The following FOXR1 variants were observed in gnomAD, a reference collection of about 807,000 sequenced individuals.
FOXR1 encodes forkhead box R1.
FOXR1 carries 25 observed loss-of-function variants against 34.5 expected under a neutral mutation model. That is an observed-to-expected ratio of 0.72 (90% confidence interval 0.53 to 1.01). The LOEUF (loss-of-function observed/expected upper bound fraction) is 1.01, where lower values mean the gene tolerates loss of function less well. Ranked by LOEUF, FOXR1 falls within the 50% of genes least tolerant of loss-of-function variation. FOXR1 has a pLI of 0.00. For missense variants in FOXR1, 373 were observed against 376.2 expected (o/e 0.99, Z 0.07); for synonymous variants, 153 against 141.6 (o/e 1.08, Z -0.57).
Position 118,979,142 on chromosome 11 carries a change from C to T in FOXR1, c.322C>T (p.Gln108Ter). The change falls in exon 3 of 6, where the codon CAG (glutamine) becomes TAG (stop). Residue 108 changes from glutamine (Q) to a stop codon, truncating the protein, a stop_gained. Transcript: ENST00000317011. LOFTEE classifies it high-confidence loss of function. ...GGCCGCAGGGGTGGAATCACTGTCC[C>T]AGTCCTCCAGCAAGCGGTCTCCCCC... Reference protein sequence around the residue: ...SEAAGVESLSQSSSKRSPPRK... With the variant: ...SEAAGVESLS 3.1e-6 allele frequency: 5 copies of T among 1,587,336 alleles called. No homozygotes were observed. Among genetic ancestry groups the T allele is most frequent in the Admixed American group, 1.9e-5 (1 of 53,964 alleles).
intron 1 of FOXR1, among the ~76,000 whole-genome samples, chr11:118,978,548 C>T (rs528404531): frequency 1.1e-4 from 16 of 152,036 alleles, no homozygotes; most frequent in African/African-American, 3.6e-4. Context: ...ACTGAAGCCA[C>T]GGACATGCAT....
intron 5 of FOXR1, 91 bp from the exon 6 acceptor site, chr11:118,981,115 AAG>A: frequency 7.9e-7 from 1 of 1,268,160 alleles, no homozygotes; most frequent in Non-Finnish European, 1.2e-6. Flanking sequence ...CCTTGAGTGA[AAG>A]AAGCAGATGA....
rs1941708416 is a variant in FOXR1 at position 118,971,938 on chromosome 11, A to G, written c.7A>G (p.Asn3Asp). The change falls in exon 1 of 6, where the codon AAC becomes GAC. Residue 3 changes from asparagine to aspartate, a missense_variant. By Grantham distance (23) the Asn-to-Asp change is conservative (BLOSUM62 1). Coordinates refer to ENST00000317011, the MANE Select transcript of FOXR1 (RefSeq NM_181721.3). The stretch of plus-strand genomic sequence containing the variant: ...GGGACTGCTGGACTGGGACATGGGG[A>G]ACGAGCTCTTTCTGGCCTTCACCAC... Reference protein sequence around the residue: MGNELFLAFTTSH... With the variant: MGDELFLAFTTSH... 3 of 1,556,028 alleles carry G rather than the reference A, an allele frequency of 1.9e-6. No homozygotes were observed. The African/African-American group carries it at 4.1e-5, about 21-fold the overall frequency.
Position 118,978,831 on chromosome 11 carries a change from G to GA in FOXR1, c.117dup (p.Pro40ThrfsTer4), listed in dbSNP as rs1364656003. Reference sequence around the variant, plus strand: ...TTAAGCCACCAAAATTACCCCTAGAGAAAAAACCCAACCCTGATAAGGATG... The same window carrying GA: ...TTAAGCCACCAAAATTACCCCTAGAGAAAAAAACCCAACCCTGATAAGGATG... On this transcript the variant is annotated frameshift_variant, in exon 2 of 6. Transcript: ENST00000317011. LOFTEE classifies it high-confidence loss of function. 1.2e-6 allele frequency: 2 copies of GA among 1,614,054 alleles called. No homozygotes were observed. Among genetic ancestry groups the GA allele is most frequent in the Non-Finnish European group, 1.7e-6 (2 of 1,180,038 alleles).
In FOXR1 at chr11:118,971,836, G is replaced by A; in HGVS notation, c.-96G>A. 7.2e-7 allele frequency: 1 copy of A among 1,382,960 alleles called. No homozygotes were observed. Among genetic ancestry groups the A allele is most frequent in the Non-Finnish European group, 1.0e-6 (1 of 999,664 alleles). The allele number at this position is 1,382,960 out of a possible 1,614,324, so 85.7% of individuals were successfully genotyped here. On this transcript the variant is annotated 5_prime_UTR_variant, in exon 1 of 6. Transcript: ENST00000317011. ...CTCCGCGTCCCCACTCCGCGCCGCC[G>A]CGCCTCTGCCAGCCCCGAAGGTGGA...
chr11:118,978,577 T>G (rs781915131), intron 1 of FOXR1, among the ~76,000 whole-genome samples: 3 of 152,044 alleles, frequency 2.0e-5, no homozygotes, highest in Non-Finnish European at 2.9e-5. Flanking sequence ...TCAGGGATAG[T>G]ATACGTAGAG....
At chr11:118,974,735 CAA>C (rs1444084688) in intron 1 of FOXR1, among the ~76,000 whole-genome samples, 1 of 152,072 alleles carries the variant, frequency 6.6e-6, no homozygotes, top group Non-Finnish European at 1.5e-5. Context: ...GTAATCCAGA[CAA>C]GAGATGATGG....
chr11:118,980,122 A>G, intron 4 of FOXR1: 1 of 498,188 alleles, frequency 2.0e-6, no homozygotes, highest in Admixed American at 2.3e-5. Context: ...CAGGAGGGTG[A>G]GGAAGGGAGT....
At chr11:118,979,348 A>G in intron 3 of FOXR1, 94 bp from the exon 4 acceptor site, 1 of 1,491,004 alleles carries the variant, frequency 6.7e-7, no homozygotes, top group Non-Finnish European at 9.0e-7. Context: ...GGAGAAGCCC[A>G]AATGGTGGCC....
rs782771981 is a variant in FOXR1 at position 118,979,167 on chromosome 11, C to G, written c.347C>G (p.Pro116Arg). The change falls in exon 3 of 6, where the codon CCT becomes CGT. Residue 116 changes from proline to arginine, a missense_variant. Pro to Arg is a moderately radical substitution (Grantham distance 103). Transcript: ENST00000317011. The part of the protein sequence containing the change: ...LSQSSSKRSP[P>R]RKRFAFSPST... Reference sequence around the variant, plus strand: ...CAGTCCTCCAGCAAGCGGTCTCCCCCTCGGAAGCGGTTTGCCTTTTCCCCC... The same window carrying G: ...CAGTCCTCCAGCAAGCGGTCTCCCCGTCGGAAGCGGTTTGCCTTTTCCCCC... 2.6e-6 allele frequency: 4 copies of G among 1,545,494 alleles called. No homozygotes were observed. Among genetic ancestry groups the G allele is most frequent in the African/African-American group, 1.4e-5 (1 of 72,374 alleles).
At chr11:118,972,315 T>G (rs964314155) in intron 1 of FOXR1, among the ~76,000 whole-genome samples, 5 of 152,024 alleles carry the variant, frequency 3.3e-5, no homozygotes, top group African/African-American at 1.2e-4. Flanking sequence ...TCCCAGAACA[T>G]TCCAAGGCCT....
At chr11:118,972,099 C>G (rs1941712751) in intron 1 of FOXR1, 107 bp downstream of exon 1, 5 of 954,444 alleles carry the variant, frequency 5.2e-6, no homozygotes, top group Non-Finnish European at 7.3e-6. Context: ...CCCCACCTCC[C>G]GGGGAGGCTT....
At position 118,979,037 on chromosome 11, in the gene FOXR1, C is replaced by T. The variant is rs80305910; in HGVS notation, c.217C>T (p.Arg73Cys). 4,267 of 1,602,590 alleles carry T rather than the reference C, an allele frequency of 2.7e-3. 137 individuals carry two copies. The African/African-American group carries it at 0.05, about 19-fold the overall frequency. ...CCCTGGAAAGCTGGAGGTCTCAGGA[C>T]GTAGGAAGAGGGAGGACCTGACAAG... ...YPPGKLEVSG[R>C]RKREDLTSTL... The change falls in exon 3 of 6, where the codon CGT becomes TGT. Residue 73 changes from arginine to cysteine, a missense_variant. Coordinates refer to ENST00000317011, the MANE Select transcript of FOXR1 (RefSeq NM_181721.3).
rs1401565120 is a variant in FOXR1 at position 118,979,146 on chromosome 11, C to A, written c.326C>A (p.Ser109Tyr). The part of the protein sequence containing the change: ...EAAGVESLSQ[S>Y]SSKRSPPRKR... ...GCAGGGGTGGAATCACTGTCCCAGT[C>A]CTCCAGCAAGCGGTCTCCCCCTCGG... is the stretch of plus-strand genomic sequence containing the variant. Residue 109 changes from serine to tyrosine, a missense_variant, in exon 3 of 6, where the codon TCC (serine) becomes TAC (tyrosine). Transcript: ENST00000317011. 2 of 1,584,566 alleles carry A rather than the reference C, an allele frequency of 1.3e-6. No individual in the cohort carries two copies. The highest frequency in any genetic ancestry group is 2.2e-5 in the East Asian group (1 of 44,646).
chr11:118,971,780 T>A lies in FOXR1; in HGVS notation c.-152T>A, dbSNP rs764894155. On this transcript the variant is annotated 5_prime_UTR_variant, in exon 1 of 6. Coordinates refer to ENST00000317011, the MANE Select transcript of FOXR1 (RefSeq NM_181721.3). The stretch of plus-strand genomic sequence containing the variant: ...GCCGGCGCATTTGAGAAGGCGCCTG[T>A]GAGGGTCGCTCCTCAGCCGCCGCGC... The A allele has an allele frequency of 6.6e-5, 50 of 761,210 alleles. No homozygotes were observed. In the African/African-American group the frequency reaches 8.3e-4, roughly 13 times the overall value. The allele number at this position is 761,210 out of a possible 1,614,324, so 47.2% of individuals were successfully genotyped here.
At position 118,980,658 on chromosome 11, in the gene FOXR1, C is replaced by A; in HGVS notation, c.780C>A (p.Arg260=). The A allele has an allele frequency of 6.2e-7, 1 of 1,613,900 alleles. No homozygotes were observed. The highest frequency in any genetic ancestry group is 8.5e-7 in the Non-Finnish European group (1 of 1,180,040). ...LWKLTEEGHR[R]FAEEARALAS... ...AGTTGACCGAGGAGGGACACCGCCG[C>A]TTTGCGGAGGAGGCCCGCGCCTTGG... Residue 260 remains arginine (R), a synonymous_variant, in exon 5 of 6, where the codon CGC becomes CGA. Transcript: ENST00000317011.
Position 118,971,912 on chromosome 11 carries a change from C to T in FOXR1, c.-20C>T, listed in dbSNP as rs1282914268. ...TGGGCCCGCCTCCATGGCCAGGTCC[C>T]GGGACTGCTGGACTGGGACATGGGG... On this transcript the variant is annotated 5_prime_UTR_variant, in exon 1 of 6. Transcript: ENST00000317011. 1.9e-6 allele frequency: 3 copies of T among 1,554,528 alleles called. No individual in the cohort carries two copies. The highest frequency in any genetic ancestry group is 2.4e-5 in the East Asian group (1 of 41,498).
intron 1 of FOXR1, among the ~76,000 whole-genome samples, chr11:118,975,488 G>A (rs543489458): frequency 1.5e-5 from 2 of 134,698 alleles, no homozygotes; most frequent in African/African-American, 5.4e-5. Flanking sequence ...CACCAGCACA[G>A]CTCACTGCAG....
At position 118,979,556 on chromosome 11, in the gene FOXR1, G is replaced by A; in HGVS notation, c.499G>A (p.Ala167Thr). ...GAGGCTTCGGCAAGCCAGCAGCCAG[G>A]CGGGGAGGCTCTGGTCCCGGCCCCC... Reference protein sequence around the residue: ...SRRLRQASSQAGRLWSRPPLN... With the variant: ...SRRLRQASSQTGRLWSRPPLN... The change falls in exon 4 of 6, where the codon GCG becomes ACG. Residue 167 changes from alanine (A) to threonine (T), a missense_variant. By Grantham distance (58) the Ala-to-Thr change is moderately conservative. Transcript: ENST00000317011. 1 of 1,613,594 alleles carries A rather than the reference G, an allele frequency of 6.2e-7. No individual in the cohort carries two copies. Among genetic ancestry groups the A allele is most frequent in the South Asian group, 1.1e-5 (1 of 90,924 alleles).
Sources: allele counts gnomAD v4.1 joint callset (sites outside exome capture counted in the v4.1 genomes callset), GRCh38; gene constraint gnomAD v4.1.1; transcripts MANE v1.5; gene names NCBI Gene and HGNC (gene_info 2026-07-23, HGNC 2026-07-21).